Variants in FREM2 observed in about 807,000 individuals in gnomAD.
The protein encoded by FREM2 is FRAS1-related extracellular matrix protein 2.
In FREM2, 119 loss-of-function variants were observed where a neutral mutation model predicts 219.9. That is an observed-to-expected ratio of 0.54 (90% CI 0.47 to 0.63). The LOEUF is 0.63. Among genes scored for constraint, FREM2 ranks in the 30% least tolerant of loss-of-function variants. The pLI, the probability that FREM2 is intolerant of heterozygous loss-of-function variation, is 0.00. For synonymous variants in FREM2, 1,562 were observed against 1,522.8 expected (o/e 1.03, Z -0.60); for missense variants, 4,030 against 3,993.6 (o/e 1.01, Z -0.25).
chr13:38,787,677 T>C (rs1424255471), intron 6 of FREM2, among the ~76,000 whole-genome samples: 2 of 151,582 alleles, frequency 1.3e-5, no homozygotes, highest in Non-Finnish European at 2.9e-5. Context: ...AGATTAAAGT[T>C]ATTTCCTAAT....
chr13:38,811,562 G>C (rs1236956536), intron 6 of FREM2, among the ~76,000 whole-genome samples: 1 of 151,944 alleles, frequency 6.6e-6, no homozygotes, highest in African/African-American at 2.4e-5. Context: ...TTGGCCCACT[G>C]GTCATTCCGG....
chr13:38,749,809 A>G (rs1872658671), intron 2 of FREM2, among the ~76,000 whole-genome samples: 1 of 152,190 alleles, frequency 6.6e-6, no homozygotes, highest in African/African-American at 2.4e-5. Flanking sequence ...TTGTAAAGTC[A>G]ATGTATTCAC....
rs34853552 is a variant in FREM2, at chr13:38,843,890, G to GT, written c.6020-2672dup. On this transcript the variant is annotated intron_variant, in intron 6 of 23. Transcript: ENST00000280481. ...CACAAGAAACTAGGTAGTTAGCAGA[G>GT]TTTTTTTTTTTCTTATGGAAACTAC... is the stretch of plus-strand genomic sequence containing the variant. 9.0e-3 allele frequency among the ~76,000 whole-genome samples: 1,325 copies of GT among 147,562 alleles called. 15 individuals carry two copies. Among genetic ancestry groups the GT allele is most frequent in the African/African-American group, 0.027 (1,099 of 40,514 alleles).
chr13:38,766,420 GCCC>G (rs1473169129), intron 3 of FREM2, among the ~76,000 whole-genome samples: 73 of 152,248 alleles, frequency 4.8e-4, no homozygotes, highest in African/African-American at 1.7e-3. Context: ...TCTGTGTGTG[GCCC>G]ACATCCTTCA....
At chr13:38,792,375 C>G (rs1416075942) in intron 6 of FREM2, among the ~76,000 whole-genome samples, 2 of 152,018 alleles carry the variant, frequency 1.3e-5, no homozygotes, top group South Asian at 2.1e-4. Context: ...AAAGTCCCTT[C>G]AATTTTTCCA....
At chr13:38,866,215 C>G (rs1877956775) in intron 16 of FREM2, among the ~76,000 whole-genome samples, 1 of 152,072 alleles carries the variant, frequency 6.6e-6, no homozygotes, top group South Asian at 2.1e-4. Flanking sequence ...TTTCATACGC[C>G]AGGAGCAGTG....
chr13:38,812,258 A>AT (rs1389296344), intron 6 of FREM2, among the ~76,000 whole-genome samples: 1 of 151,930 alleles, frequency 6.6e-6, no homozygotes, highest in Admixed American at 6.6e-5. Flanking sequence ...CAGCCAGTCT[A>AT]TGTCTTTTTA....
At chr13:38,826,164 A>G (rs1876276578) in intron 6 of FREM2, among the ~76,000 whole-genome samples, 1 of 152,144 alleles carries the variant, frequency 6.6e-6, no homozygotes, top group Non-Finnish European at 1.5e-5. Flanking sequence ...GAATGAGAGA[A>G]ATAGCTGCCA....
At chr13:38,706,269 C>T (rs1870535747) in intron 2 of FREM2, among the ~76,000 whole-genome samples, 1 of 152,126 alleles carries the variant, frequency 6.6e-6, no homozygotes, top group Non-Finnish European at 1.5e-5. Context: ...GATTGCAAAT[C>T]TCTAATACAC....
At chr13:38,713,434 TATC>T (rs1311505000) in intron 2 of FREM2, among the ~76,000 whole-genome samples, 2 of 152,222 alleles carry the variant, frequency 1.3e-5, no homozygotes, top group African/African-American at 4.8e-5. Context: ...TGCATACTCT[TATC>T]ATGGATATAT....
chr13:38,879,074 A>C, intron 23 of FREM2, 97 bp downstream of exon 23: 1 of 1,107,028 alleles, frequency 9.0e-7, no homozygotes, highest in Non-Finnish European at 1.4e-6. Context: ...AAATAGCAGT[A>C]ATAGTAATAT....
At chr13:38,877,274 G>A (rs775877383) in intron 21 of FREM2, 31 bp downstream of exon 21, 14 of 1,611,022 alleles carry the variant, frequency 8.7e-6, no homozygotes, top group African/African-American at 1.3e-5. Flanking sequence ...GGGATGCTCT[G>A]TTTGTCATGT....
intron 6 of FREM2, among the ~76,000 whole-genome samples, chr13:38,827,034 T>C (rs1235498232): frequency 6.6e-6 from 1 of 152,140 alleles, no homozygotes; most frequent in Non-Finnish European, 1.5e-5. Flanking sequence ...ACACATCTTT[T>C]AAAGAAAATA....
intron 16 of FREM2, among the ~76,000 whole-genome samples, chr13:38,869,111 T>G (rs1878071026): frequency 6.6e-6 from 1 of 152,224 alleles, no homozygotes; most frequent in South Asian, 2.1e-4. Context: ...TTTTATCAAC[T>G]GGCAATTGCT....
At chr13:38,798,614 G>A (rs1874885174) in intron 6 of FREM2, among the ~76,000 whole-genome samples, 1 of 151,992 alleles carries the variant, frequency 6.6e-6, no homozygotes, top group Non-Finnish European at 1.5e-5. Flanking sequence ...TCTTTGTTGG[G>A]AGACTTTTCA....
At chr13:38,801,940 T>C (rs1269332871) in intron 6 of FREM2, among the ~76,000 whole-genome samples, 2 of 152,150 alleles carry the variant, frequency 1.3e-5, no homozygotes, top group Non-Finnish European at 2.9e-5. Context: ...CTGCAATAGA[T>C]TGGGCACGCA....
intron 2 of FREM2, among the ~76,000 whole-genome samples, chr13:38,730,948 C>T (rs957946308): frequency 6.7e-6 from 1 of 150,318 alleles, no homozygotes; most frequent in Non-Finnish European, 1.5e-5. Flanking sequence ...TTTTTCACCA[C>T]AGTTCTTACC....
intron 18 of FREM2, among the ~76,000 whole-genome samples, 173 bp downstream of exon 18, chr13:38,874,759 A>G (rs1205614947): frequency 1.3e-5 from 2 of 152,230 alleles, no homozygotes; most frequent in African/African-American, 4.8e-5. Context: ...TTCACCTCAT[A>G]ATCCACAAAA....
rs1418236907 is a variant in FREM2, at chr13:38,886,545, C to T, written c.*5758C>T. 1 of 152,036 alleles carries T rather than the reference C, an allele frequency of 6.6e-6. No homozygotes were observed. The highest frequency in any genetic ancestry group is 1.5e-5 in the Non-Finnish European group (1 of 68,020). The allele number at this position is 152,036 out of a possible 1,614,324, so 9.4% of individuals were successfully genotyped here. A position where few individuals can be genotyped will look rare whatever the true frequency, so the allele number is the denominator to read the frequency against. On this transcript the variant is annotated 3_prime_UTR_variant, in exon 24 of 24. Coordinates refer to ENST00000280481, the MANE Select transcript of FREM2 (RefSeq NM_207361.6). Reference sequence around the variant, plus strand: ...CCTGAGTAGCTGGAATTACAGGTGCCCACTACCATGCCTGGCTAGTTTTTG... The same window carrying T: ...CCTGAGTAGCTGGAATTACAGGTGCTCACTACCATGCCTGGCTAGTTTTTG...
Sources: allele counts gnomAD v4.1 joint callset (sites outside exome capture counted in the v4.1 genomes callset), GRCh38; gene constraint gnomAD v4.1.1; transcripts MANE v1.5; gene names NCBI Gene and HGNC (gene_info 2026-07-23, HGNC 2026-07-21).